Variants in BCKDHB observed in about 807,000 individuals in gnomAD.
BCKDHB encodes the protein 2-oxoisovalerate dehydrogenase subunit beta, mitochondrial.
Under a neutral mutation model 48.5 loss-of-function variants are expected in BCKDHB, and 41 were observed. The ratio of observed to expected loss-of-function variants is 0.85; its 90% CI spans 0.66 to 1.10. BCKDHB has a LOEUF of 1.10. Among genes scored for constraint, BCKDHB ranks in the 50% least tolerant of loss-of-function variants. The probability of loss-of-function intolerance (pLI) is 0.00; values close to 1 mark genes in which losing one functional copy is unlikely to be tolerated. For synonymous variants in BCKDHB, 201 were observed against 174.8 expected, an observed-to-expected ratio of 1.15 and a Z score of -1.18; for missense variants, 496 against 494.2, an observed-to-expected ratio of 1.00 and a Z score of -0.03.
chr6:80,210,139 A>G (rs1444302283), intron 8 of BCKDHB, among the ~76,000 whole-genome samples: 1 of 62,410 alleles, frequency 1.6e-5, no homozygotes. Context: ...AATATACAAA[A>G]AAAAAAAAAA....
intron 8 of BCKDHB, among the ~76,000 whole-genome samples, chr6:80,272,776 C>G (rs190864362): frequency 6.6e-6 from 1 of 152,040 alleles, no homozygotes; most frequent in Non-Finnish European, 1.5e-5. Context: ...AAAAAACTTT[C>G]GCTCTTTAAC....
intron 8 of BCKDHB, among the ~76,000 whole-genome samples, chr6:80,252,816 C>T (rs1776889818): frequency 6.6e-6 from 1 of 152,048 alleles, no homozygotes; most frequent in Non-Finnish European, 1.5e-5. Flanking sequence ...TTTAATTGGA[C>T]TGTTACAACC....
intron 1 of BCKDHB, among the ~76,000 whole-genome samples, chr6:80,109,477 A>G (rs1375436049): frequency 6.6e-6 from 1 of 152,168 alleles, no homozygotes; most frequent in Non-Finnish European, 1.5e-5. Context: ...AATGGATTTT[A>G]AGTGCATAGT....
chr6:80,275,059 C>T lies in BCKDHB; in HGVS notation c.1038+1838C>T, dbSNP rs144470295. 5.9e-4 allele frequency among the ~76,000 whole-genome samples: 90 copies of T among 152,000 alleles called. 1 individual carries two copies. Among genetic ancestry groups the T allele is most frequent in the East Asian group, 3.1e-3 (16 of 5,178 alleles). On this transcript the variant is annotated intron_variant, in intron 9 of 9. Transcript: ENST00000320393. ...GTCAATGAGAGTATCAGAATATAATCGTATTTATATAATAATATGAAGACA... is the reference window on the plus strand; with the variant it reads ...GTCAATGAGAGTATCAGAATATAATTGTATTTATATAATAATATGAAGACA...
intron 7 of BCKDHB, among the ~76,000 whole-genome samples, chr6:80,201,817 G>A (rs1774410590): frequency 6.6e-6 from 1 of 152,108 alleles, no homozygotes; most frequent in African/African-American, 2.4e-5. Flanking sequence ...GATATGGTCA[G>A]TTTTAATTTT....
the BCKDHB span, among the ~76,000 whole-genome samples, chr6:80,357,867 T>A: frequency 6.6e-6 from 1 of 152,306 alleles, no homozygotes; most frequent in East Asian, 1.9e-4. Context: ...GTTTGCCAAC[T>A]TACATCTCCT....
chr6:80,199,647 C>T (rs548316281), intron 6 of BCKDHB, among the ~76,000 whole-genome samples: 2 of 151,280 alleles, frequency 1.3e-5, no homozygotes, highest in South Asian at 2.1e-4. Context: ...CGTGGTGGTG[C>T]GTGCCTGTAA....
At chr6:80,454,526 C>T in the BCKDHB span, among the ~76,000 whole-genome samples, 1 of 152,174 alleles carries the variant, frequency 6.6e-6, no homozygotes, top group Non-Finnish European at 1.5e-5. Flanking sequence ...GTGGGATTCT[C>T]AGGCATGAAA....
At chr6:80,243,316 C>T (rs999435988) in intron 8 of BCKDHB, among the ~76,000 whole-genome samples, 8 of 152,092 alleles carry the variant, frequency 5.3e-5, no homozygotes, top group African/African-American at 1.9e-4. Context: ...AGGAGAGTCC[C>T]AATCAGGGGG....
the BCKDHB span, among the ~76,000 whole-genome samples, chr6:80,432,771 G>A: frequency 5.3e-5 from 8 of 152,170 alleles, no homozygotes; most frequent in African/African-American, 1.9e-4. Flanking sequence ...CTGGTTTTTG[G>A]AATTTTTAGC....
rs544895227 is a variant in BCKDHB, at chr6:80,107,567, A to ATG, written c.196+679_196+680dup. Among the ~76,000 whole-genome samples the ATG allele has an allele frequency of 1.1e-3, 154 of 144,956 alleles. 1 individual carries two copies. The highest frequency in any genetic ancestry group is 3.1e-3 in the African/African-American group (120 of 38,356). ...TGCACACATATATATGCATATATAT[A>ATG]TGCATATATGTATATATGTCCCTTG... On this transcript the variant is annotated intron_variant, in intron 1 of 9. Coordinates refer to ENST00000320393, the MANE Select transcript of BCKDHB (RefSeq NM_183050.4).
At chr6:80,194,558 C>G (rs1001850175) in intron 6 of BCKDHB, among the ~76,000 whole-genome samples, 3 of 152,096 alleles carry the variant, frequency 2.0e-5, no homozygotes, top group African/African-American at 4.8e-5. Context: ...CTGTCATGGT[C>G]GCCACATTTG....
the BCKDHB span, among the ~76,000 whole-genome samples, chr6:80,364,894 AAG>A: frequency 6.6e-6 from 1 of 152,164 alleles, no homozygotes; most frequent in Non-Finnish European, 1.5e-5. Context: ...CTGAGAAATA[AAG>A]AGAGACAGTA....
At chr6:80,111,471 G>T (rs556435795) in intron 1 of BCKDHB, among the ~76,000 whole-genome samples, 1 of 152,336 alleles carries the variant, frequency 6.6e-6, no homozygotes, top group East Asian at 1.9e-4. Context: ...GGGACTGGCA[G>T]GGGCTTAATA....
chr6:80,266,334 T>G (rs1777512488), intron 8 of BCKDHB, among the ~76,000 whole-genome samples: 1 of 152,156 alleles, frequency 6.6e-6, no homozygotes, highest in Non-Finnish European at 1.5e-5. Context: ...AAATATTGTT[T>G]TGGCAGAAAT....
At chr6:80,193,635 G>T (rs892004718) in intron 6 of BCKDHB, among the ~76,000 whole-genome samples, 2 of 151,270 alleles carry the variant, frequency 1.3e-5, no homozygotes, top group African/African-American at 2.4e-5. Flanking sequence ...CAGGAGAATT[G>T]CATGAACCCA....
chr6:80,407,221 G>A, the BCKDHB span, among the ~76,000 whole-genome samples: 4 of 152,206 alleles, frequency 2.6e-5, no homozygotes, highest in South Asian at 2.1e-4. Context: ...CTATATATCT[G>A]CTTCGATAAC....
At chr6:80,300,366 T>G (rs1346899478) in intron 9 of BCKDHB, among the ~76,000 whole-genome samples, 1 of 152,148 alleles carries the variant, frequency 6.6e-6, no homozygotes, top group Non-Finnish European at 1.5e-5. Flanking sequence ...GCCACTATTC[T>G]TATATCAGTA....
chr6:80,439,268 C>A, the BCKDHB span, among the ~76,000 whole-genome samples: 2 of 152,076 alleles, frequency 1.3e-5, no homozygotes, highest in East Asian at 3.8e-4. Context: ...TGGTGGAACT[C>A]AGTCGCATTT....
Sources: allele counts gnomAD v4.1 joint callset (sites outside exome capture counted in the v4.1 genomes callset), GRCh38; gene constraint gnomAD v4.1.1; transcripts MANE v1.5; gene names NCBI Gene and HGNC (gene_info 2026-07-23, HGNC 2026-07-21).